SOX5: variants seen among roughly 807,000 people sequenced by gnomAD.
The protein encoded by SOX5 is SRY-box transcription factor 5, also known as transcription factor SOX-5.
SOX5 carries 9 observed loss-of-function variants against 92.0 expected under a neutral mutation model. The ratio of observed to expected loss-of-function variants is 0.10; its 90% CI spans 0.06 to 0.17. SOX5 has a LOEUF of 0.17. Ranked by LOEUF, SOX5 falls within the 10% of genes least tolerant of loss-of-function variation. The pLI is 1.00. For missense variants in SOX5, 642 were observed against 944.5 expected (o/e 0.68, Z 4.20); for synonymous variants, 344 against 336.3 (o/e 1.02, Z -0.25).
chr12:23,954,453 C>CA (rs200770197), upstream of SOX5, among the ~76,000 whole-genome samples: 6,263 of 149,072 alleles, frequency 0.042, 446 homozygotes, highest in East Asian at 0.26. Flanking sequence ...CTTCCTCTTT[C>CA]AAAAAAAAAG....
chr12:24,495,604 T>G (rs1947550730), intron 1 of SOX5, among the ~76,000 whole-genome samples: 1 of 152,158 alleles, frequency 6.6e-6, no homozygotes, highest in Admixed American at 6.5e-5. Context: ...TAGGTCAGCC[T>G]CCAAAACAAC....
At chr12:23,921,102 A>G (rs765544939) in intron 1 of SOX5, among the ~76,000 whole-genome samples, 1 of 152,228 alleles carries the variant, frequency 6.6e-6, no homozygotes, top group South Asian at 2.1e-4. Context: ...TTACTGGTAC[A>G]TAATCCACCT....
chr12:23,828,602 T>C (rs1239312827), intron 3 of SOX5, among the ~76,000 whole-genome samples: 2 of 152,186 alleles, frequency 1.3e-5, no homozygotes, highest in Non-Finnish European at 2.9e-5. Context: ...TCAAATGTCC[T>C]GTGACAGCCC....
At chr12:24,287,877 A>G (rs78314023) in intron 2 of SOX5, among the ~76,000 whole-genome samples, 8,559 of 152,094 alleles carry the variant, frequency 0.056, 808 homozygotes, top group African/African-American at 0.2. Flanking sequence ...AGCAGGAAAC[A>G]GGCAAGAACC....
chr12:24,236,118 G>A (rs1219597428), intron 3 of SOX5, among the ~76,000 whole-genome samples: 2 of 152,048 alleles, frequency 1.3e-5, no homozygotes, highest in Non-Finnish European at 2.9e-5. Flanking sequence ...CGTGAACCCG[G>A]GAAGTGGGTT....
chr12:24,546,240 A>G (rs1952611700), intron 1 of SOX5, among the ~76,000 whole-genome samples: 1 of 152,192 alleles, frequency 6.6e-6, no homozygotes, highest in African/African-American at 2.4e-5. Context: ...GAGTATCCCT[A>G]AAATATTAAT....
At chr12:23,677,040 T>C (rs1454642021) in intron 6 of SOX5, among the ~76,000 whole-genome samples, 4 of 152,240 alleles carry the variant, frequency 2.6e-5, no homozygotes, top group Admixed American at 2.0e-4. Flanking sequence ...GTTTTAGCTT[T>C]AATTTCTTCT....
intron 1 of SOX5, among the ~76,000 whole-genome samples, chr12:24,485,864 C>T (rs112639281): frequency 3.3e-5 from 5 of 152,006 alleles, no homozygotes; most frequent in African/African-American, 1.2e-4. Context: ...TATTTTTTTC[C>T]CTGTAGGCCT....
intron 6 of SOX5, among the ~76,000 whole-genome samples, chr12:23,714,041 G>A (rs1425550487): frequency 4.0e-5 from 6 of 149,484 alleles, no homozygotes; most frequent in South Asian, 4.2e-4. Context: ...GCAGTGAGCC[G>A]AGATCATGAA....
At chr12:24,246,881 G>T (rs1938875813) in intron 3 of SOX5, among the ~76,000 whole-genome samples, 1 of 152,038 alleles carries the variant, frequency 6.6e-6, no homozygotes, top group Non-Finnish European at 1.5e-5. Flanking sequence ...AGAGGTAAAT[G>T]ATAAAGGGAG....
chr12:23,896,789 G>A (rs1254068728), intron 1 of SOX5, among the ~76,000 whole-genome samples: 1 of 150,014 alleles, frequency 6.7e-6, no homozygotes, highest in East Asian at 1.9e-4. Context: ...TGATTTAGAT[G>A]TGAATAATTC....
chr12:24,046,138 G>C (rs144106251), intron 4 of SOX5, among the ~76,000 whole-genome samples: 1 of 152,162 alleles, frequency 6.6e-6, no homozygotes, highest in Admixed American at 6.5e-5. Flanking sequence ...TCTAAATAAC[G>C]TGACTTTGTG....
chr12:24,143,237 G>C (rs2138692985), intron 4 of SOX5, among the ~76,000 whole-genome samples: 1 of 152,212 alleles, frequency 6.6e-6, no homozygotes, highest in East Asian at 1.9e-4. Flanking sequence ...CAAAGCTCAA[G>C]AATATTTATA....
intron 2 of SOX5, among the ~76,000 whole-genome samples, chr12:23,846,826 C>G (rs1013879056): frequency 6.6e-6 from 1 of 152,144 alleles, no homozygotes; most frequent in Non-Finnish European, 1.5e-5. Context: ...AAGACATTTT[C>G]AACTTCATTT....
chr12:23,556,559 T>C (rs957078903), intron 11 of SOX5, among the ~76,000 whole-genome samples: 2 of 152,226 alleles, frequency 1.3e-5, no homozygotes, highest in Admixed American at 6.5e-5. Context: ...TACCACACTG[T>C]TGCAAAGGTC....
At chr12:23,750,413 C>T (rs1043531882) in intron 4 of SOX5, among the ~76,000 whole-genome samples, 1 of 151,916 alleles carries the variant, frequency 6.6e-6, no homozygotes, top group African/African-American at 2.4e-5. Flanking sequence ...CCAATTTCCA[C>T]AAGTACTTGG....
At chr12:24,179,602 G>A (rs1565599824) in intron 4 of SOX5, among the ~76,000 whole-genome samples, 3 of 152,162 alleles carry the variant, frequency 2.0e-5, no homozygotes, top group Non-Finnish European at 2.9e-5. Flanking sequence ...GCCCATCTGT[G>A]TCTCCTGATT....
At position 23,814,813 on chromosome 12, in the gene SOX5, A is replaced by C. The variant is rs2095954521; in HGVS notation, c.481+31170T>G. Among the ~76,000 whole-genome samples, 2 of 152,338 alleles carry C rather than the reference A, an allele frequency of 1.3e-5. 1 individual carries two copies. The highest frequency in any genetic ancestry group is 4.1e-4 in the South Asian group (2 of 4,824). ...TTAATATATAGGAAAAGGTAGAAAA[A>C]ATGTAACTATCCATTAAAATACTTA... On this transcript the variant is annotated intron_variant, in intron 3 of 14. Transcript: ENST00000451604.
intron 2 of SOX5, among the ~76,000 whole-genome samples, chr12:23,885,094 C>T (rs1045557934): frequency 1.3e-5 from 2 of 152,300 alleles, no homozygotes; most frequent in African/African-American, 2.4e-5. Context: ...ATGCCAGCCA[C>T]TGTCACAAGG....
Sources: allele counts gnomAD v4.1 joint callset (sites outside exome capture counted in the v4.1 genomes callset), GRCh38; gene constraint gnomAD v4.1.1; transcripts MANE v1.5; gene names NCBI Gene and HGNC (gene_info 2026-07-23, HGNC 2026-07-21).